The following SUPT5H variants were observed in gnomAD, a reference collection of about 807,000 sequenced individuals.
SUPT5H encodes the protein transcription elongation factor SPT5.
In SUPT5H, 24 loss-of-function variants were observed where a neutral mutation model predicts 142.5. The observed-to-expected ratio is 0.17, with a 90% confidence interval of 0.12 to 0.24. SUPT5H has a LOEUF of 0.24. SUPT5H is among the 10% of genes least tolerant of loss of function. SUPT5H has a pLI of 1.00. For missense variants in SUPT5H, 893 were observed against 1,471.8 expected, an observed-to-expected ratio of 0.61 and a Z score of 6.43; for synonymous variants, 546 against 553.0, an observed-to-expected ratio of 0.99 and a Z score of 0.18.
At chr19:39,447,611 G>A (rs575830852) in intron 2 of SUPT5H, among the ~76,000 whole-genome samples, 1 of 152,074 alleles carries the variant, frequency 6.6e-6, no homozygotes, top group South Asian at 2.1e-4. Flanking sequence ...TAGAGACGGG[G>A]TTTCACTGTG....
chr19:39,475,049 A>G, intron 28 of SUPT5H: 1 of 387,840 alleles, frequency 2.6e-6, no homozygotes, highest in Non-Finnish European at 4.8e-6. Flanking sequence ...ACCTGGGCAC[A>G]TTCCAGGAGC....
At position 39,458,934 on chromosome 19, in the gene SUPT5H, T is replaced by A; in HGVS notation, c.389+47T>A. On this transcript the variant is annotated intron_variant, in intron 6 of 29. Transcript: ENST00000432763. The surrounding 1 kb of genome is among the most constrained non-coding windows in gnomAD (Gnocchi z 4.2). Reference sequence around the variant, plus strand: ...GGTGGGATTGGCTCCTGTGGGGAGATTTGGGAGTAGGTCAGCCCACCTGCT... The same window carrying A: ...GGTGGGATTGGCTCCTGTGGGGAGAATTGGGAGTAGGTCAGCCCACCTGCT... 2 of 1,613,346 alleles carry A rather than the reference T, an allele frequency of 1.2e-6. No individual in the cohort carries two copies. The highest frequency in any genetic ancestry group is 1.7e-6 in the Non-Finnish European group (2 of 1,179,636).
Position 39,464,909 on chromosome 19 carries a change from C to T in SUPT5H, c.736C>T (p.Arg246Trp). Residue 246 changes from arginine to tryptophan, a missense_variant, in exon 11 of 30, where the codon CGG becomes TGG. Arg to Trp is a moderately radical substitution (Grantham distance 101). Coordinates refer to ENST00000432763, the MANE Select transcript of SUPT5H (RefSeq NM_001111020.3). Reference sequence around the variant, plus strand: ...GGCCATTGAGGGGGTGGGCAACCTGCGGCTTGGCTACTGGAACCAGCAGAT... The same window carrying T: ...GGCCATTGAGGGGGTGGGCAACCTGTGGCTTGGCTACTGGAACCAGCAGAT... ...KQAIEGVGNL[R>W]LGYWNQQMVP... The T allele has an allele frequency of 3.1e-6, 5 of 1,614,092 alleles. No homozygotes were observed. Among genetic ancestry groups the T allele is most frequent in the Non-Finnish European group, 4.2e-6 (5 of 1,179,976 alleles).
In SUPT5H at chr19:39,469,418, G is replaced by C. The variant is rs770549478; in HGVS notation, c.1374+20G>C. On this transcript the variant is annotated intron_variant, in intron 16 of 29. Transcript: ENST00000432763. The surrounding 1 kb of genome is among the most constrained non-coding windows in gnomAD (Gnocchi z 5.1). Reference sequence around the variant, plus strand: ...CTCAAGGTGGGTGCCCGGTGTTCTCGGGCAGGGGTTGGAGTGTTCAGGCAC... The same window carrying C: ...CTCAAGGTGGGTGCCCGGTGTTCTCCGGCAGGGGTTGGAGTGTTCAGGCAC... 5.0e-6 allele frequency: 8 copies of C among 1,614,012 alleles called. No individual in the cohort carries two copies. The African/African-American group carries it at 9.3e-5, about 19-fold the overall frequency.
At chr19:39,468,291 A>G (rs771760617) in intron 13 of SUPT5H, 4 of 162,714 alleles carry the variant, frequency 2.5e-5, no homozygotes, top group Non-Finnish European at 5.4e-5. Context: ...TACTGATGCC[A>G]CAGATTTGGG....
chr19:39,469,437 C>T lies in SUPT5H; in HGVS notation c.1374+39C>T. The T allele has an allele frequency of 6.2e-7, 1 of 1,613,644 alleles. No individual in the cohort carries two copies. Among genetic ancestry groups the T allele is most frequent in the Non-Finnish European group, 8.5e-7 (1 of 1,179,762 alleles). ...GTTCTCGGGCAGGGGTTGGAGTGTTCAGGCACATCTGACTGTATGTGGCTG... is the reference window on the plus strand; with the variant it reads ...GTTCTCGGGCAGGGGTTGGAGTGTTTAGGCACATCTGACTGTATGTGGCTG... On this transcript the variant is annotated intron_variant, in intron 16 of 29. Coordinates refer to ENST00000432763, the MANE Select transcript of SUPT5H (RefSeq NM_001111020.3). The surrounding 1 kb of genome is among the most constrained non-coding windows in gnomAD (Gnocchi z 5.1).
In SUPT5H at chr19:39,474,857, C is replaced by A; in HGVS notation, c.3024+139C>A. On this transcript the variant is annotated intron_variant, in intron 28 of 29. Coordinates refer to ENST00000432763, the MANE Select transcript of SUPT5H (RefSeq NM_001111020.3). This position sits in a 1 kb window ranked among gnomAD's most constrained non-coding sequence, Gnocchi z 6.5. ...GAGGAAGCCTAGAGGGCAAGGGGAG[C>A]TATGTGAACCCAAAGGAGGCATCTT... 1.1e-6 allele frequency: 1 copy of A among 933,138 alleles called. No individual in the cohort carries two copies. The highest frequency in any genetic ancestry group is 1.6e-6 in the Non-Finnish European group (1 of 623,750). The allele number at this position is 933,138 out of a possible 1,614,324, so 57.8% of individuals were successfully genotyped here. A position where few individuals can be genotyped will look rare whatever the true frequency, so the allele number is the denominator to read the frequency against.
In SUPT5H at chr19:39,472,743, C is replaced by A; in HGVS notation, c.2036-67C>A. 6.4e-7 allele frequency: 1 copy of A among 1,551,700 alleles called. No individual in the cohort carries two copies. Among genetic ancestry groups the A allele is most frequent in the South Asian group, 1.2e-5 (1 of 81,518 alleles). On this transcript the variant is annotated intron_variant, in intron 21 of 29. Coordinates refer to ENST00000432763, the MANE Select transcript of SUPT5H (RefSeq NM_001111020.3). This position sits in a 1 kb window ranked among gnomAD's most constrained non-coding sequence, Gnocchi z 4.2. ...GGAGGAGTCAAGCAAGTGAAGGGGA[C>A]GTTCTGATGGTGCCCTTGCTGTGGG...
At position 39,476,261 on chromosome 19, in the gene SUPT5H, A is replaced by G. The variant is rs2079404762; in HGVS notation, c.3126A>G (p.Lys1042=). Residue 1042 remains lysine, a synonymous_variant, in exon 30 of 30, where the codon AAA becomes AAG. Transcript: ENST00000432763. ...PITPTKNNKV[K]VILGEDREAT... is the part of the protein sequence containing the mutation. Reference sequence around the variant, plus strand: ...CATATTCCCCCCACCCCCAGGTGAAAGTGATCCTGGGCGAGGATCGGGAAG... The same window carrying G: ...CATATTCCCCCCACCCCCAGGTGAAGGTGATCCTGGGCGAGGATCGGGAAG... 6.2e-7 allele frequency: 1 copy of G among 1,613,962 alleles called. No homozygotes were observed. The highest frequency in any genetic ancestry group is 8.5e-7 in the Non-Finnish European group (1 of 1,180,006).
Position 39,458,266 on chromosome 19 carries a change from C to A in SUPT5H, c.308-28C>A. ...CCACCACCACCACCACCACCACCAC[C>A]ACCACCACCTCCTCTTCCTCCAAGT... On this transcript the variant is annotated intron_variant, in intron 4 of 29. Coordinates refer to ENST00000432763, the MANE Select transcript of SUPT5H (RefSeq NM_001111020.3). This position sits in a 1 kb window ranked among gnomAD's most constrained non-coding sequence, Gnocchi z 4.2. The A allele has an allele frequency of 6.2e-7, 1 of 1,600,884 alleles. No individual in the cohort carries two copies. Among genetic ancestry groups the A allele is most frequent in the Non-Finnish European group, 8.5e-7 (1 of 1,175,736 alleles).
chr19:39,464,327 ATAT>A (rs1335917140), intron 10 of SUPT5H, among the ~76,000 whole-genome samples: 1 of 151,892 alleles, frequency 6.6e-6, no homozygotes, highest in East Asian at 1.9e-4. Context: ...ATAGCTTTCT[ATAT>A]TAGTACATAC....
At chr19:39,460,733 T>C (rs1225566660) in intron 10 of SUPT5H, among the ~76,000 whole-genome samples, 1 of 152,116 alleles carries the variant, frequency 6.6e-6, no homozygotes, top group Non-Finnish European at 1.5e-5. Flanking sequence ...ATTAGGTGGC[T>C]TTATGTCCAG....
chr19:39,474,491 T>C lies in SUPT5H; in HGVS notation c.2821-24T>C. 1 of 1,613,346 alleles carries C rather than the reference T, an allele frequency of 6.2e-7. No individual in the cohort carries two copies. The highest frequency in any genetic ancestry group is 8.5e-7 in the Non-Finnish European group (1 of 1,179,494). On this transcript the variant is annotated intron_variant, in intron 27 of 29. Coordinates refer to ENST00000432763, the MANE Select transcript of SUPT5H (RefSeq NM_001111020.3). The surrounding 1 kb of genome is among the most constrained non-coding windows in gnomAD (Gnocchi z 6.5). ...GGCCAGGCCAGATGACTATTCCCAATGACACTTCCTCTTTCCCCTGCAGGC... is the reference window on the plus strand; with the variant it reads ...GGCCAGGCCAGATGACTATTCCCAACGACACTTCCTCTTTCCCCTGCAGGC...
At chr19:39,463,397 C>T (rs1041210164) in intron 10 of SUPT5H, among the ~76,000 whole-genome samples, 3 of 152,024 alleles carry the variant, frequency 2.0e-5, no homozygotes, top group Non-Finnish European at 4.4e-5. Flanking sequence ...GAGTGTGTTG[C>T]CATGTATTTG....
chr19:39,456,920 CT>C (rs2146089680), intron 3 of SUPT5H, among the ~76,000 whole-genome samples: 1 of 152,250 alleles, frequency 6.6e-6, no homozygotes, highest in South Asian at 2.1e-4. Flanking sequence ...ACGGAGTTGC[CT>C]TTGGGAGAGG....
In SUPT5H at chr19:39,458,298, G is replaced by A; in HGVS notation, c.312G>A (p.Glu104=). The A allele has an allele frequency of 8.3e-7, 1 of 1,203,194 alleles. No individual in the cohort carries two copies. The highest frequency in any genetic ancestry group is 1.1e-6 in the Non-Finnish European group (1 of 880,118). The allele number at this position is 1,203,194 out of a possible 1,614,324, so 74.5% of individuals were successfully genotyped here. A position where few individuals can be genotyped will look rare whatever the true frequency, so the allele number is the denominator to read the frequency against. The change falls in exon 5 of 30, where the codon GAG becomes GAA. Residue 104 remains glutamate (E), a synonymous_variant. Coordinates refer to ENST00000432763, the MANE Select transcript of SUPT5H (RefSeq NM_001111020.3). The surrounding 1 kb of genome is among the most constrained non-coding windows in gnomAD (Gnocchi z 4.2). ...DGAEDILEKE[E]IEASNIDNVV... ...ACCTCCTCTTCCTCCAAGTAGAAGAGATTGAAGGTAAGAATATGAAAAGTG... is the reference window on the plus strand; with the variant it reads ...ACCTCCTCTTCCTCCAAGTAGAAGAAATTGAAGGTAAGAATATGAAAAGTG...
At position 39,476,498 on chromosome 19, in the gene SUPT5H, ATTGTT is replaced by A; in HGVS notation, c.*100_*104del. On this transcript the variant is annotated 3_prime_UTR_variant, in exon 30 of 30. Transcript: ENST00000432763. The stretch of plus-strand genomic sequence containing the variant: ...AAGATCCTCCTGCAGGGCTAGGCGG[ATTGTT>A]CTGGATTTCCTTTTGTTTTTCCTTT... 1 of 1,435,388 alleles carries A rather than the reference ATTGTT, an allele frequency of 7.0e-7. No homozygotes were observed. Among genetic ancestry groups the A allele is most frequent in the East Asian group, 2.3e-5 (1 of 43,482 alleles). 88.9% of individuals were successfully genotyped at this position (1,435,388 alleles called of 1,614,324 possible).
At position 39,464,911 on chromosome 19, in the gene SUPT5H, G is replaced by A. The variant is rs746416241; in HGVS notation, c.738G>A (p.Arg246=). The change falls in exon 11 of 30, where the codon CGG becomes CGA. Residue 246 remains arginine (R), a synonymous_variant. Transcript: ENST00000432763. The part of the protein sequence containing the change: ...KQAIEGVGNL[R]LGYWNQQMVP... ...CCATTGAGGGGGTGGGCAACCTGCG[G>A]CTTGGCTACTGGAACCAGCAGATGG... is the stretch of plus-strand genomic sequence containing the variant. The A allele has an allele frequency of 2.1e-5, 34 of 1,614,130 alleles. No individual in the cohort carries two copies. The South Asian group carries it at 3.5e-4, about 17-fold the overall frequency.
Position 39,473,665 on chromosome 19 carries a change from C to A in SUPT5H, c.2492+144C>A. 1 of 1,043,380 alleles carries A rather than the reference C, an allele frequency of 9.6e-7. No individual in the cohort carries two copies. The highest frequency in any genetic ancestry group is 1.4e-6 in the Non-Finnish European group (1 of 732,998). 64.6% of individuals were successfully genotyped at this position (1,043,380 alleles called of 1,614,324 possible). On this transcript the variant is annotated intron_variant, in intron 25 of 29. Coordinates refer to ENST00000432763, the MANE Select transcript of SUPT5H (RefSeq NM_001111020.3). The surrounding 1 kb of genome is among the most constrained non-coding windows in gnomAD (Gnocchi z 5.8). The stretch of plus-strand genomic sequence containing the variant: ...AGGCTGGTCCCTTTGAAGGAGGAGG[C>A]ATAGCATGGCGGGGCGGGGGCAAAG...
Sources: allele counts gnomAD v4.1 joint callset (sites outside exome capture counted in the v4.1 genomes callset), GRCh38; gene constraint gnomAD v4.1.1; non-coding constraint Gnocchi (gnomAD v3.1); transcripts MANE v1.5; gene names NCBI Gene and HGNC (gene_info 2026-07-23, HGNC 2026-07-21).